Variants in PEMT observed in about 807,000 individuals in gnomAD.
PEMT encodes phospholipid methyltransferase.
PEMT carries 23 observed loss-of-function variants against 27.4 expected under a neutral mutation model. The ratio of observed to expected loss-of-function variants is 0.84; its 90% confidence interval spans 0.60 to 1.19. PEMT has a LOEUF of 1.19. Ranked by LOEUF, PEMT falls within the 50% of genes most tolerant of loss-of-function variation. The pLI is 0.00. For missense variants in PEMT, 307 were observed against 310.1 expected (o/e 0.99, Z 0.07); for synonymous variants, 137 against 139.1 (o/e 0.98, Z 0.11).
intron 2 of PEMT, among the ~76,000 whole-genome samples, chr17:17,545,177 G>A (rs1013324500): frequency 4.6e-5 from 7 of 152,190 alleles, no homozygotes; most frequent in Admixed American, 2.0e-4. Flanking sequence ...CGGGGCAGCC[G>A]GGACCTCAGT....
intron 3 of PEMT, chr17:17,518,050 G>C (rs1186866973): frequency 2.0e-6 from 2 of 985,418 alleles, no homozygotes; most frequent in East Asian, 2.3e-4. Flanking sequence ...GGCTGTGCCC[G>C]CCACACCAGA....
chr17:17,513,329 G>A lies in PEMT; in HGVS notation c.321-675C>T, dbSNP rs1282867561. On this transcript the variant is annotated intron_variant, in intron 3 of 6. Coordinates refer to ENST00000255389, the MANE Select transcript of PEMT (RefSeq NM_148172.3). The surrounding 1 kb of genome is among the most constrained non-coding windows in gnomAD (Gnocchi z 4.1). ...AAGGTAGTGGGGTCCAGGTGTGGTG[G>A]CTCACGCCTGCAATCCCAGCACTTT... Among the ~76,000 whole-genome samples, 1 of 152,228 alleles carries A rather than the reference G, an allele frequency of 6.6e-6. No individual in the cohort carries two copies. The highest frequency in any genetic ancestry group is 1.5e-5 in the Non-Finnish European group (1 of 68,032).
rs1911158725 is a variant in PEMT at position 17,570,980 on chromosome 17, T to C, written c.204+5940A>G. 6 of 906,812 alleles carry C rather than the reference T, an allele frequency of 6.6e-6. No homozygotes were observed. The South Asian group carries it at 3.0e-4, about 46-fold the overall frequency. The allele number at this position is 906,812 out of a possible 1,614,324, so 56.2% of individuals were successfully genotyped here. A position where few individuals can be genotyped will look rare whatever the true frequency, so the allele number is the denominator to read the frequency against. The stretch of plus-strand genomic sequence containing the variant: ...CTTGGCAGGGGCTCCCTTTGGAGAC[T>C]GGAGACTCCCACGTAGGGCCACAGT... On this transcript the variant is annotated intron_variant, in intron 2 of 6. Transcript: ENST00000255389.
chr17:17,576,459 C>T (rs1911596374), intron 2 of PEMT, among the ~76,000 whole-genome samples: 1 of 152,152 alleles, frequency 6.6e-6, no homozygotes, highest in African/African-American at 2.4e-5. Context: ...CAGGAAGCCT[C>T]ATGTGGGAAA....
intron 2 of PEMT, among the ~76,000 whole-genome samples, chr17:17,570,252 AG>A (rs1911099843): frequency 6.6e-6 from 1 of 152,218 alleles, no homozygotes; most frequent in Non-Finnish European, 1.5e-5. Flanking sequence ...GAAGCAGAGC[AG>A]GCTCCGCTTC....
chr17:17,588,930 A>G (rs139364851), intron 1 of PEMT, among the ~76,000 whole-genome samples: 156 of 152,314 alleles, frequency 1.0e-3, no homozygotes, highest in African/African-American at 3.6e-3. Context: ...TCCTCACCCT[A>G]ACTCCTCAGC....
intron 2 of PEMT, among the ~76,000 whole-genome samples, chr17:17,530,098 A>G (rs1334745070): frequency 6.6e-6 from 1 of 152,266 alleles, no homozygotes; most frequent in Non-Finnish European, 1.5e-5. Context: ...GGACAAACCC[A>G]AAACTGATCA....
chr17:17,568,900 T>C (rs1055959596), intron 2 of PEMT, among the ~76,000 whole-genome samples: 7 of 152,090 alleles, frequency 4.6e-5, no homozygotes, highest in Non-Finnish European at 8.8e-5. Flanking sequence ...CAGCGCCACC[T>C]ACCGTCTGGC....
In PEMT at chr17:17,559,361, G is replaced by A. The variant is rs145203334; in HGVS notation, c.204+17559C>T. Among the ~76,000 whole-genome samples the A allele has an allele frequency of 1.1e-3, 165 of 152,362 alleles. 1 individual carries two copies. In the East Asian group the frequency reaches 0.026, roughly 24 times the overall value. ...AGAAGAGGAAACTGAGGCTCACAGA[G>A]GCTAACTGACCTGCTCGAGGCAGGC... On this transcript the variant is annotated intron_variant, in intron 2 of 6. Coordinates refer to ENST00000255389, the MANE Select transcript of PEMT (RefSeq NM_148172.3).
chr17:17,570,644 C>T (rs1597950322), intron 2 of PEMT: 2 of 985,320 alleles, frequency 2.0e-6, no homozygotes, highest in East Asian at 1.1e-4. Flanking sequence ...GGCCCAAGAC[C>T]TGGGATGACT....
At chr17:17,518,532 GC>G (rs781700150) in intron 3 of PEMT, among the ~76,000 whole-genome samples, 5 of 152,192 alleles carry the variant, frequency 3.3e-5, no homozygotes, top group Non-Finnish European at 4.4e-5. Flanking sequence ...GGCTCATCCT[GC>G]CCCGGGCCTC....
At chr17:17,510,655 G>T (rs70965406) in intron 4 of PEMT, among the ~76,000 whole-genome samples, 1 of 152,194 alleles carries the variant, frequency 6.6e-6, no homozygotes. Context: ...CCTACATACC[G>T]CGCTGCTGGT....
At chr17:17,555,234 C>T (rs901357329) in intron 2 of PEMT, among the ~76,000 whole-genome samples, 5 of 152,164 alleles carry the variant, frequency 3.3e-5, no homozygotes, top group African/African-American at 1.2e-4. Flanking sequence ...TACCCACCCC[C>T]AAGAAGAAGG....
intron 2 of PEMT, among the ~76,000 whole-genome samples, chr17:17,546,422 C>T (rs1436346243): frequency 3.9e-5 from 6 of 152,230 alleles, no homozygotes; most frequent in African/African-American, 1.4e-4. Flanking sequence ...GCTTTCTCCA[C>T]CACATTTTCA....
At chr17:17,535,322 C>T (rs1276871031) in intron 2 of PEMT, among the ~76,000 whole-genome samples, 1 of 152,158 alleles carries the variant, frequency 6.6e-6, no homozygotes, top group African/African-American at 2.4e-5. Flanking sequence ...AATTCCAGCA[C>T]TTTGGGAGGC....
chr17:17,560,343 C>T (rs942077666), intron 2 of PEMT, among the ~76,000 whole-genome samples: 12 of 152,206 alleles, frequency 7.9e-5, no homozygotes, highest in African/African-American at 1.7e-4. Flanking sequence ...GCCCCATCCC[C>T]GCCACTCGCC....
intron 2 of PEMT, among the ~76,000 whole-genome samples, chr17:17,546,167 G>A (rs1328839829): frequency 6.6e-6 from 1 of 152,222 alleles, no homozygotes. Flanking sequence ...GCTGGATCCA[G>A]TGGCCTGGGC....
intron 2 of PEMT, among the ~76,000 whole-genome samples, chr17:17,576,597 A>G (rs1018211195): frequency 2.6e-5 from 4 of 152,228 alleles, no homozygotes; most frequent in African/African-American, 9.6e-5. Flanking sequence ...TGAGAAGGCC[A>G]CCAGACTGCC....
chr17:17,551,342 A>T (rs984154466), intron 2 of PEMT, among the ~76,000 whole-genome samples: 3 of 152,236 alleles, frequency 2.0e-5, no homozygotes, highest in African/African-American at 7.2e-5. Flanking sequence ...TTAAAATTTT[A>T]AAATTTTGAA....
Sources: allele counts gnomAD v4.1 joint callset (sites outside exome capture counted in the v4.1 genomes callset), GRCh38; gene constraint gnomAD v4.1.1; non-coding constraint Gnocchi (gnomAD v3.1); transcripts MANE v1.5; gene names NCBI Gene and HGNC (gene_info 2026-07-23, HGNC 2026-07-21).